SMG7: variants seen among roughly 807,000 people sequenced by gnomAD.
SMG7 encodes the protein SMG7 nonsense mediated mRNA decay factor, also known as nonsense-mediated mRNA decay factor SMG7.
Under a neutral mutation model 148.2 loss-of-function variants are expected in SMG7, and 34 were observed. That is an observed-to-expected ratio of 0.23 (90% CI 0.17 to 0.31). The LOEUF is 0.31. Among genes scored for constraint, SMG7 ranks in the 10% least tolerant of loss-of-function variants. The probability of loss-of-function intolerance (pLI) is 1.00; values close to 1 mark genes in which losing one functional copy is unlikely to be tolerated. For synonymous variants in SMG7, 492 were observed against 515.1 expected, an observed-to-expected ratio of 0.96 and a Z score of 0.61; for missense variants, 1,114 against 1,408.4, an observed-to-expected ratio of 0.79 and a Z score of 3.35.
At chr1:183,474,452 T>C (rs1571695019) in intron 1 of SMG7, among the ~76,000 whole-genome samples, 1 of 152,204 alleles carries the variant, frequency 6.6e-6, no homozygotes, top group Non-Finnish European at 1.5e-5. Flanking sequence ...TAATGCCGGC[T>C]ACTCGGGAGG....
At chr1:183,488,351 G>T (rs1488184556) in intron 1 of SMG7, among the ~76,000 whole-genome samples, 1 of 151,988 alleles carries the variant, frequency 6.6e-6, no homozygotes, top group Non-Finnish European at 1.5e-5. Context: ...TAAATAAAAT[G>T]AAATTTAAGA....
chr1:183,510,073 T>A (rs1263353215), intron 1 of SMG7, among the ~76,000 whole-genome samples: 1 of 152,192 alleles, frequency 6.6e-6, no homozygotes, highest in African/African-American at 2.4e-5. Flanking sequence ...AAACAAATCA[T>A]GTTTGGAATG....
At chr1:183,502,446 G>C in intron 1 of SMG7, 1 of 1,398,364 alleles carries the variant, frequency 7.2e-7, no homozygotes, top group Non-Finnish European at 9.6e-7. Context: ...TTGGAGATGT[G>C]TATTATTCAT....
At position 183,552,760 on chromosome 1, in the gene SMG7, CAGCA is replaced by C; in HGVS notation, c.*834_*837del. 7.2e-7 allele frequency: 1 copy of C among 1,387,876 alleles called. No homozygotes were observed. 86.0% of individuals were successfully genotyped at this position (1,387,876 alleles called of 1,614,324 possible). The stretch of plus-strand genomic sequence containing the variant: ...GATTCCTGTACATTTTACAGTCGCA[CAGCA>C]AGCAGTCTCACAGAAGGCAGGCTAG... On this transcript the variant is annotated 3_prime_UTR_variant, in exon 23 of 23. Transcript: ENST00000688051.
chr1:183,512,279 A>G (rs1209897881), intron 1 of SMG7, among the ~76,000 whole-genome samples: 1 of 152,218 alleles, frequency 6.6e-6, no homozygotes, highest in East Asian at 1.9e-4. Flanking sequence ...TAAATATTAA[A>G]TAAGAGGTGC....
chr1:183,545,846 G>C, intron 16 of SMG7, 120 bp from the exon 17 acceptor site: 1 of 1,181,634 alleles, frequency 8.5e-7, no homozygotes, highest in Non-Finnish European at 1.2e-6. Flanking sequence ...GGAAACTGCT[G>C]CCTTGCCTAG....
chr1:183,533,194 C>G lies in SMG7; in HGVS notation c.874C>G (p.Gln292Glu). 1 of 1,613,812 alleles carries G rather than the reference C, an allele frequency of 6.2e-7. No homozygotes were observed. Among genetic ancestry groups the G allele is most frequent in the Non-Finnish European group, 8.5e-7 (1 of 1,179,756 alleles). ...RLLFQKAFNSQQLVHVTVINL... is the reference protein window; with the variant it reads ...RLLFQKAFNSEQLVHVTVINL... ...GCTATTCCAAAAAGCTTTCAACTCT[C>G]AGCAGTTAGTTCATGTCACTGTCAT... The change falls in exon 9 of 23, where the codon CAG becomes GAG. Residue 292 changes from glutamine (Q) to glutamate (E), a missense_variant. This residue lies in a region of SMG7 where 8 missense variants were observed against 37.6 expected (regional missense o/e 0.21). Transcript: ENST00000688051.
intron 1 of SMG7, among the ~76,000 whole-genome samples, chr1:183,500,659 G>A (rs1282224710): frequency 6.6e-6 from 1 of 152,122 alleles, no homozygotes; most frequent in Non-Finnish European, 1.5e-5. Context: ...TGCACTGGGA[G>A]TACTCAGCCA....
rs1452243148 is a variant in SMG7, at chr1:183,506,667, AC to A, written c.30-6169del. On this transcript the variant is annotated intron_variant, in intron 1 of 22. Coordinates refer to ENST00000688051, the MANE Select transcript of SMG7 (RefSeq NM_001375584.1). Reference sequence around the variant, plus strand: ...GTTAAATTTCTTAAAAAAAAAAAAAACACGAAAAAACTCCCAGCGTGTTCTC... The same window carrying A: ...GTTAAATTTCTTAAAAAAAAAAAAAAACGAAAAAACTCCCAGCGTGTTCTC... Among the ~76,000 whole-genome samples the A allele has an allele frequency of 4.6e-5, 7 of 150,598 alleles. No homozygotes were observed. The East Asian group carries it at 1.4e-3, about 29-fold the overall frequency.
At chr1:183,496,507 A>G (rs892004897) in intron 1 of SMG7, among the ~76,000 whole-genome samples, 2 of 152,202 alleles carry the variant, frequency 1.3e-5, no homozygotes, top group Admixed American at 6.5e-5. Flanking sequence ...TCCTCTTATA[A>G]CAAGATCCTC....
Position 183,552,691 on chromosome 1 carries a change from T to C in SMG7, c.*760T>C. ...TACAGTGTGGGTGGTGGTGCTGGGC[T>C]GGACTAGCAGGTAGACTGCTGTAGG... is the stretch of plus-strand genomic sequence containing the variant. On this transcript the variant is annotated 3_prime_UTR_variant, in exon 23 of 23. Transcript: ENST00000688051. 8.2e-7 allele frequency: 1 copy of C among 1,213,210 alleles called. No homozygotes were observed. Among genetic ancestry groups the C allele is most frequent in the Non-Finnish European group, 1.0e-6 (1 of 966,806 alleles). 75.2% of individuals were successfully genotyped at this position (1,213,210 alleles called of 1,614,324 possible). A position where few individuals can be genotyped will look rare whatever the true frequency, so the allele number is the denominator to read the frequency against.
intron 1 of SMG7, among the ~76,000 whole-genome samples, chr1:183,476,834 G>T (rs1652311583): frequency 6.6e-6 from 1 of 152,142 alleles, no homozygotes; most frequent in Non-Finnish European, 1.5e-5. Context: ...CAAATTGAAG[G>T]AGAATTCAGA....
chr1:183,551,246 C>T, intron 22 of SMG7, 56 bp downstream of exon 22: 1 of 1,502,210 alleles, frequency 6.7e-7, no homozygotes, highest in Non-Finnish European at 8.9e-7. Context: ...GGTGTCTCTG[C>T]TTTCATTCAC....
At chr1:183,533,122 T>C (rs772627849) in intron 8 of SMG7, 42 bp from the exon 9 acceptor site, 10 of 1,565,574 alleles carry the variant, frequency 6.4e-6, no homozygotes, top group Non-Finnish European at 5.2e-6. Context: ...AGATGGTTCC[T>C]GTTCTTGATA....
At chr1:183,545,583 C>T (rs897049305) in intron 16 of SMG7, among the ~76,000 whole-genome samples, 5 of 152,016 alleles carry the variant, frequency 3.3e-5, no homozygotes, top group African/African-American at 1.2e-4. Context: ...AATAATTCTC[C>T]TATAGGAACA....
intron 4 of SMG7, among the ~76,000 whole-genome samples, chr1:183,521,552 T>C (rs537113260): frequency 6.6e-6 from 1 of 152,312 alleles, no homozygotes; most frequent in African/African-American, 2.4e-5. Flanking sequence ...TATATGGCCT[T>C]ATAAGCTAAG....
chr1:183,505,533 T>G (rs528288801), intron 1 of SMG7, among the ~76,000 whole-genome samples: 2 of 152,326 alleles, frequency 1.3e-5, no homozygotes, highest in South Asian at 2.1e-4. Context: ...CTCTCATGGT[T>G]TTAACTGCCA....
chr1:183,497,908 T>C (rs1348656789), intron 1 of SMG7, among the ~76,000 whole-genome samples: 1 of 152,140 alleles, frequency 6.6e-6, no homozygotes, highest in Admixed American at 6.5e-5. Context: ...ATTTCTTTGC[T>C]CAGGAAAATA....
In SMG7 at chr1:183,538,424, T is replaced by C. The variant is rs1319559762; in HGVS notation, c.1279T>C (p.Leu427=). Residue 427 remains leucine (L), a synonymous_variant, in exon 12 of 23, where the codon TTG becomes CTG. Transcript: ENST00000688051. ...EEFELQGFLA[L]RPSFRNLDFS... Reference sequence around the variant, plus strand: ...GTTTGAATTACAAGGATTTTTGGCATTGAGACCTTCTTTCAGGTAGGTGAT... The same window carrying C: ...GTTTGAATTACAAGGATTTTTGGCACTGAGACCTTCTTTCAGGTAGGTGAT... 6.2e-6 allele frequency: 10 copies of C among 1,611,858 alleles called. No individual in the cohort carries two copies. Among genetic ancestry groups the C allele is most frequent in the Non-Finnish European group, 5.9e-6 (7 of 1,177,960 alleles).
Sources: gnomAD v4.1 joint callset for allele counts (sites outside exome capture counted in the v4.1 genomes callset) on GRCh38, gnomAD v4.1.1 for gene constraint, gnomAD v4.1.1 regional missense constraint, MANE v1.5 for transcripts, NCBI Gene and HGNC (gene_info 2026-07-23, HGNC 2026-07-21) for gene names.